The following TMC1 variants were observed in gnomAD, a reference collection of about 807,000 sequenced individuals.
TMC1 encodes transmembrane channel like 1.
In TMC1, 84 loss-of-function variants were observed where a neutral mutation model predicts 105.8. The ratio of observed to expected loss-of-function variants is 0.79; its 90% CI spans 0.67 to 0.95. The LOEUF is 0.95. Among genes scored for constraint, TMC1 ranks in the 40% least tolerant of loss-of-function variants. The pLI is 0.00. For synonymous variants in TMC1, 315 were observed against 311.5 expected, an observed-to-expected ratio of 1.01 and a Z score of -0.12; for missense variants, 817 against 914.1, an observed-to-expected ratio of 0.89 and a Z score of 1.37.
intron 1 of TMC1, among the ~76,000 whole-genome samples, chr9:72,546,187 A>G (rs1823766116): frequency 6.6e-6 from 1 of 151,980 alleles, no homozygotes; most frequent in African/African-American, 2.4e-5. Context: ...CAGCTACTTG[A>G]GAGGCTGAGA....
intron 10 of TMC1, among the ~76,000 whole-genome samples, chr9:72,749,060 A>G (rs573819983): frequency 6.6e-6 from 1 of 152,308 alleles, no homozygotes; most frequent in African/African-American, 2.4e-5. Flanking sequence ...TCTAAAGTAT[A>G]TTTCATTATG....
At chr9:72,582,388 C>A (rs569027458) in intron 2 of TMC1, among the ~76,000 whole-genome samples, 1 of 152,342 alleles carries the variant, frequency 6.6e-6, no homozygotes, top group South Asian at 2.1e-4. Flanking sequence ...CTACCTTCCC[C>A]CCAGCCCACC....
chr9:72,789,807 C>T (rs1828235360), intron 15 of TMC1, among the ~76,000 whole-genome samples: 1 of 152,186 alleles, frequency 6.6e-6, no homozygotes, highest in Non-Finnish European at 1.5e-5. Context: ...ACTGGAAACA[C>T]TCAGATTGCT....
intron 17 of TMC1, among the ~76,000 whole-genome samples, chr9:72,796,775 G>A (rs980297981): frequency 7.2e-5 from 11 of 151,948 alleles, no homozygotes; most frequent in African/African-American, 2.2e-4. Context: ...CATAATGAAC[G>A]GACAAAAGCT....
intron 1 of TMC1, among the ~76,000 whole-genome samples, chr9:72,556,741 G>A (rs537105404): frequency 6.6e-6 from 1 of 152,132 alleles, no homozygotes; most frequent in Non-Finnish European, 1.5e-5. Flanking sequence ...AGAATCACTT[G>A]AACCTGGGAG....
At chr9:72,613,337 G>T (rs970552507) in intron 2 of TMC1, among the ~76,000 whole-genome samples, 1 of 151,982 alleles carries the variant, frequency 6.6e-6, no homozygotes, top group Non-Finnish European at 1.5e-5. Flanking sequence ...TGTTGGCCAG[G>T]CTGGTCTTCA....
intron 6 of TMC1, among the ~76,000 whole-genome samples, chr9:72,693,367 T>A (rs1385107762): frequency 6.6e-6 from 1 of 152,212 alleles, no homozygotes; most frequent in African/African-American, 2.4e-5. Context: ...ATAGATACAT[T>A]TATAGATAAT....
intron 1 of TMC1, among the ~76,000 whole-genome samples, chr9:72,528,182 C>G (rs1675095146): frequency 6.6e-6 from 1 of 152,156 alleles, no homozygotes; most frequent in African/African-American, 2.4e-5. Context: ...CTAGCTAGCT[C>G]CTTCCACCAT....
intron 13 of TMC1, among the ~76,000 whole-genome samples, chr9:72,787,572 A>G (rs1288330348): frequency 6.6e-6 from 1 of 152,082 alleles, no homozygotes. Context: ...AGTGGAGTAT[A>G]TAGGATATAG....
At chr9:72,744,127 G>A (rs1827447061) in intron 10 of TMC1, among the ~76,000 whole-genome samples, 1 of 152,180 alleles carries the variant, frequency 6.6e-6, no homozygotes, top group Non-Finnish European at 1.5e-5. Context: ...GAATTATTAA[G>A]TGGCAATGAA....
intron 18 of TMC1, among the ~76,000 whole-genome samples, chr9:72,812,644 A>C (rs112261489): frequency 1.3e-5 from 2 of 152,354 alleles, no homozygotes; most frequent in African/African-American, 4.8e-5. Context: ...TTCCCAGGTG[A>C]TGCTGCTGAC....
chr9:72,535,380 C>A (rs1823564840), intron 1 of TMC1, among the ~76,000 whole-genome samples: 2 of 152,176 alleles, frequency 1.3e-5, no homozygotes, highest in Non-Finnish European at 2.9e-5. Flanking sequence ...TCCTCTTGAT[C>A]CTGACCTACA....
intron 19 of TMC1, chr9:72,818,621 C>T (rs560846339): frequency 2.3e-4 from 35 of 152,130 alleles, no homozygotes; most frequent in African/African-American, 6.3e-4. Context: ...ATGTACATGT[C>T]GCTGATGTAA....
At chr9:72,789,787 T>C (rs1242894799) in intron 15 of TMC1, among the ~76,000 whole-genome samples, 1 of 152,206 alleles carries the variant, frequency 6.6e-6, no homozygotes, top group Non-Finnish European at 1.5e-5. Flanking sequence ...CTGATTCCTA[T>C]GTTGATCTCA....
At chr9:72,802,272 T>C (rs1828487825) in intron 17 of TMC1, among the ~76,000 whole-genome samples, 1 of 151,766 alleles carries the variant, frequency 6.6e-6, no homozygotes, top group Non-Finnish European at 1.5e-5. Flanking sequence ...CATACATACA[T>C]ACATACATAC....
At chr9:72,550,513 C>G (rs990097792) in intron 1 of TMC1, among the ~76,000 whole-genome samples, 1 of 150,696 alleles carries the variant, frequency 6.6e-6, no homozygotes, top group Non-Finnish European at 1.5e-5. Context: ...AAAAAATTAG[C>G]AGGGCAAGCT....
At chr9:72,543,952 C>CTTTTTTTTTT (rs1554710174) in intron 1 of TMC1, among the ~76,000 whole-genome samples, 1 of 134,342 alleles carries the variant, frequency 7.4e-6, no homozygotes, top group Non-Finnish European at 1.6e-5. Context: ...TTCTTTCTTT[C>CTTTTTTTTTT]TTTTTTTTTT....
intron 15 of TMC1, among the ~76,000 whole-genome samples, chr9:72,789,680 A>C (rs1828232426): frequency 6.6e-6 from 1 of 152,202 alleles, no homozygotes; most frequent in Non-Finnish European, 1.5e-5. Context: ...CTTGACTTCG[A>C]GTCCAAGGCT....
chr9:72,721,230 C>T (rs2589604), intron 8 of TMC1, among the ~76,000 whole-genome samples: 34,628 of 152,036 alleles, frequency 0.23, 4,276 homozygotes, highest in East Asian at 0.39. Flanking sequence ...CTTTTATGTT[C>T]CTCCTCCCCT....
Sources: gnomAD v4.1 joint callset for allele counts (sites outside exome capture counted in the v4.1 genomes callset) on GRCh38, gnomAD v4.1.1 for gene constraint, MANE v1.5 for transcripts, NCBI Gene and HGNC (gene_info 2026-07-23, HGNC 2026-07-21) for gene names.